Variants in NCK1 observed in about 807,000 individuals in gnomAD.
NCK1 encodes the protein SH2/SH3 adapter protein NCK1.
Under a neutral mutation model 36.6 loss-of-function variants are expected in NCK1, and 19 were observed. The ratio of observed to expected loss-of-function variants is 0.52; its 90% CI spans 0.36 to 0.76. The LOEUF is 0.76. Ranked by LOEUF, NCK1 falls within the 30% of genes least tolerant of loss-of-function variation. NCK1 has a pLI of 0.00. For synonymous variants in NCK1, 165 were observed against 156.0 expected (o/e 1.06, Z -0.43); for missense variants, 358 against 445.6 (o/e 0.80, Z 1.77).
chr3:136,891,592 A>G (rs1304427936), intron 1 of NCK1, among the ~76,000 whole-genome samples: 1 of 152,164 alleles, frequency 6.6e-6, no homozygotes, highest in African/African-American at 2.4e-5. Flanking sequence ...TTTTGTTTCT[A>G]ATTTTTTGAA....
At chr3:136,867,405 A>AT (rs34322362) in intron 1 of NCK1, 2,146 of 101,576 alleles carry the variant, frequency 0.021, 186 homozygotes, top group African/African-American at 0.072. Flanking sequence ...TGTCTGGCTA[A>AT]TTTTTTTTTT....
chr3:136,903,025 A>G (rs954648239), intron 1 of NCK1, among the ~76,000 whole-genome samples: 8 of 152,074 alleles, frequency 5.3e-5, no homozygotes, highest in Non-Finnish European at 8.8e-5. Flanking sequence ...TACATGATCC[A>G]TTTAATGCTC....
intron 2 of NCK1, among the ~76,000 whole-genome samples, chr3:136,941,692 A>G (rs1940681196): frequency 8.5e-6 from 1 of 117,990 alleles, no homozygotes; most frequent in Non-Finnish European, 1.8e-5. Context: ...TAAATTGTGT[A>G]GGAAAGAAAA....
At chr3:136,868,351 G>A (rs1470508253) in intron 1 of NCK1, among the ~76,000 whole-genome samples, 4 of 151,268 alleles carry the variant, frequency 2.6e-5, no homozygotes, top group East Asian at 1.9e-4. Context: ...TTCTTGAGAC[G>A]GAGTCCTGCT....
rs1264813448 is a variant in NCK1, at chr3:136,917,812, C to G, written c.-18-10172C>G. Among the ~76,000 whole-genome samples the G allele has an allele frequency of 3.3e-5, 5 of 152,166 alleles. No individual in the cohort carries two copies. The South Asian group carries it at 6.2e-4, about 19-fold the overall frequency. On this transcript the variant is annotated intron_variant, in intron 1 of 3. Coordinates refer to ENST00000481752, the MANE Select transcript of NCK1 (RefSeq NM_001291999.2). Reference sequence around the variant, plus strand: ...GCTTCCATGTCTCAGGAAGATAATTCCCAGAACCTTCGCAATGGATGACAA... The same window carrying G: ...GCTTCCATGTCTCAGGAAGATAATTGCCAGAACCTTCGCAATGGATGACAA...
At chr3:136,915,206 A>G (rs1304866415) in intron 1 of NCK1, among the ~76,000 whole-genome samples, 1 of 152,196 alleles carries the variant, frequency 6.6e-6, no homozygotes, top group African/African-American at 2.4e-5. Flanking sequence ...TCACATTACT[A>G]CTAAGGGGTA....
chr3:136,943,684 A>G (rs1044530995), intron 2 of NCK1, among the ~76,000 whole-genome samples: 1 of 152,198 alleles, frequency 6.6e-6, no homozygotes, highest in African/African-American at 2.4e-5. Flanking sequence ...ATGTACTGCT[A>G]AGCGTTGGAG....
At chr3:136,915,200 A>G (rs1939927570) in intron 1 of NCK1, among the ~76,000 whole-genome samples, 1 of 152,184 alleles carries the variant, frequency 6.6e-6, no homozygotes, top group Non-Finnish European at 1.5e-5. Context: ...AGTAGATCAC[A>G]TTACTACTAA....
chr3:136,944,844 A>T (rs1420011943), intron 2 of NCK1, among the ~76,000 whole-genome samples: 1 of 152,210 alleles, frequency 6.6e-6, no homozygotes, highest in Non-Finnish European at 1.5e-5. Context: ...GATGTAGCGT[A>T]CATTTGTATT....
intron 1 of NCK1, chr3:136,899,433 T>TC: frequency 3.6e-6 from 1 of 278,400 alleles, no homozygotes; most frequent in Admixed American, 4.1e-5. Flanking sequence ...TTTTTTTTTT[T>TC]AAATTTCTTT....
chr3:136,947,213 A>G (rs927012001), intron 3 of NCK1, among the ~76,000 whole-genome samples: 69 of 152,194 alleles, frequency 4.5e-4, no homozygotes, highest in African/African-American at 1.6e-3. Flanking sequence ...GTTGGTTGGC[A>G]GTAGGGAAGA....
intron 2 of NCK1, among the ~76,000 whole-genome samples, chr3:136,934,435 G>C (rs917177854): frequency 7.2e-5 from 11 of 151,810 alleles, no homozygotes; most frequent in African/African-American, 2.7e-4. Flanking sequence ...ACAGGTGCCT[G>C]CCACCACGCC....
At chr3:136,908,881 T>G (rs1215034063) in intron 1 of NCK1, among the ~76,000 whole-genome samples, 1 of 152,168 alleles carries the variant, frequency 6.6e-6, no homozygotes, top group Non-Finnish European at 1.5e-5. Flanking sequence ...ACCCCAAAGT[T>G]AATGTGTTGG....
At chr3:136,895,503 AATGTTT>A (rs1219683376) in intron 1 of NCK1, among the ~76,000 whole-genome samples, 1 of 151,846 alleles carries the variant, frequency 6.6e-6, no homozygotes, top group African/African-American at 2.4e-5. Flanking sequence ...TTTCTCTGTT[AATGTTT>A]TAGTTCACTT....
At chr3:136,899,627 C>T (rs978965803) in intron 1 of NCK1, 2 of 676,062 alleles carry the variant, frequency 3.0e-6, no homozygotes, top group Admixed American at 2.0e-5. Context: ...CTTTTCTTTT[C>T]CCTTGAATAC....
At chr3:136,924,240 A>T (rs1258731261) in intron 1 of NCK1, among the ~76,000 whole-genome samples, 1 of 152,238 alleles carries the variant, frequency 6.6e-6, no homozygotes, top group Non-Finnish European at 1.5e-5. Context: ...ATACTTAACG[A>T]ATTATTCTTG....
chr3:136,909,043 C>G (rs1417434562), intron 1 of NCK1, among the ~76,000 whole-genome samples: 1 of 152,098 alleles, frequency 6.6e-6, no homozygotes, highest in Non-Finnish European at 1.5e-5. Flanking sequence ...ATGCCTTCCT[C>G]CTTGTTGTTA....
chr3:136,897,312 A>G (rs1422365722), intron 1 of NCK1, among the ~76,000 whole-genome samples: 1 of 152,038 alleles, frequency 6.6e-6, no homozygotes, highest in Non-Finnish European at 1.5e-5. Flanking sequence ...GGTTGGTCTG[A>G]AACTCCTGAC....
chr3:136,907,230 C>G (rs1248001548), intron 1 of NCK1, among the ~76,000 whole-genome samples: 2 of 152,064 alleles, frequency 1.3e-5, no homozygotes, highest in African/African-American at 4.8e-5. Flanking sequence ...TGTAGGGAGA[C>G]AGTTGCTGCC....
Sources: allele counts gnomAD v4.1 joint callset (sites outside exome capture counted in the v4.1 genomes callset), GRCh38; gene constraint gnomAD v4.1.1; transcripts MANE v1.5; gene names NCBI Gene and HGNC (gene_info 2026-07-23, HGNC 2026-07-21).